The following RIMS1 variants were observed in gnomAD, a reference collection of about 807,000 sequenced individuals.
RIMS1 encodes regulating synaptic membrane exocytosis protein 1.
RIMS1 carries 83 observed loss-of-function variants against 214.1 expected under a neutral mutation model. That is an observed-to-expected ratio of 0.39 (90% CI 0.32 to 0.47). The LOEUF is 0.47. Ranked by LOEUF, RIMS1 falls within the 20% of genes least tolerant of loss-of-function variation. RIMS1 has a pLI of 0.99. For missense variants in RIMS1, 2,050 were observed against 2,161.8 expected, an observed-to-expected ratio of 0.95 and a Z score of 1.03; for synonymous variants, 793 against 786.8, an observed-to-expected ratio of 1.01 and a Z score of -0.13.
rs1013902229 is a variant in RIMS1, at chr6:72,250,428, C to A, written c.2340C>A (p.Pro780=). Residue 780 remains proline, a synonymous_variant, in exon 13 of 34, where the codon CCC becomes CCA. Transcript: ENST00000521978. ...GAGTAGATGGACGTCCTCGAAATCC[C>A]TATGTAAAAATGTATTTTCTTCCAG... The part of the protein sequence containing the change: ...PARVDGRPRN[P]YVKMYFLPDR... 21 of 1,600,722 alleles carry A rather than the reference C, an allele frequency of 1.3e-5. No homozygotes were observed. Among genetic ancestry groups the A allele is most frequent in the Non-Finnish European group, 1.7e-5 (20 of 1,171,570 alleles).
intron 2 of RIMS1, among the ~76,000 whole-genome samples, chr6:72,061,517 TCAG>T (rs1274450382): frequency 6.6e-6 from 1 of 152,242 alleles, no homozygotes; most frequent in Non-Finnish European, 1.5e-5. Context: ...TTGCACTCAC[TCAG>T]CGGCTGTGCA....
At chr6:71,988,893 AC>A (rs1437606470) in intron 2 of RIMS1, among the ~76,000 whole-genome samples, 1 of 152,216 alleles carries the variant, frequency 6.6e-6, no homozygotes. Flanking sequence ...ATTTGTTAAT[AC>A]AACAGCATCA....
rs61651151 is a variant in RIMS1 at position 72,196,580 on chromosome 6, C to CTTTTTTTTTTTTTTTTTTTTTT, written c.1678+13433_1678+13454dup. ...AGTACTGTGCTGGCAGCCAGCTGCA[C>CTTTTTTTTTTTTTTTTTTTTTT]TTTTTTTTTTTTTTTTTTTTTTTAC... On this transcript the variant is annotated intron_variant, in intron 6 of 33. Transcript: ENST00000521978. 8.7e-4 allele frequency among the ~76,000 whole-genome samples: 50 copies of CTTTTTTTTTTTTTTTTTTTTTT among 57,198 alleles called. 16 individuals are homozygous for CTTTTTTTTTTTTTTTTTTTTTT. The highest frequency in any genetic ancestry group is 0.013 in the Middle Eastern group (1 of 76). 37.5% of individuals were successfully genotyped at this position (57,198 alleles called of 152,430 possible).
intron 6 of RIMS1, among the ~76,000 whole-genome samples, chr6:72,206,559 G>A (rs2052950604): frequency 8.7e-6 from 1 of 114,826 alleles, no homozygotes; most frequent in Non-Finnish European, 2.3e-5. Context: ...TTCTTGTCAG[G>A]GCATGCTTTG....
intron 2 of RIMS1, among the ~76,000 whole-genome samples, chr6:71,988,180 C>G (rs1430645769): frequency 1.3e-5 from 2 of 151,688 alleles, no homozygotes; most frequent in Admixed American, 1.3e-4. Flanking sequence ...AATCTAAATT[C>G]TTTCAGTTGA....
intron 4 of RIMS1, among the ~76,000 whole-genome samples, chr6:72,117,336 G>A (rs1461224663): frequency 6.6e-6 from 1 of 151,924 alleles, no homozygotes; most frequent in Non-Finnish European, 1.5e-5. Flanking sequence ...TCAGTCCTAA[G>A]TGGAACAAAA....
At chr6:71,957,704 A>G (rs1435484236) in intron 1 of RIMS1, among the ~76,000 whole-genome samples, 1 of 150,628 alleles carries the variant, frequency 6.6e-6, no homozygotes, top group East Asian at 1.9e-4. Flanking sequence ...ACAACCCTCA[A>G]GAACACTAAA....
intron 4 of RIMS1, among the ~76,000 whole-genome samples, chr6:72,127,448 A>G (rs1219629269): frequency 2.0e-5 from 3 of 152,210 alleles, no homozygotes; most frequent in African/African-American, 7.2e-5. Context: ...CATTAACTTA[A>G]TTATGTCTTG....
chr6:72,243,096 C>G (rs947132353), intron 10 of RIMS1, among the ~76,000 whole-genome samples: 1 of 151,628 alleles, frequency 6.6e-6, no homozygotes, highest in Non-Finnish European at 1.5e-5. Context: ...AATAAATATT[C>G]ATTTTGCCAG....
In RIMS1 at chr6:72,209,071, A is replaced by G. The variant is rs146125599; in HGVS notation, c.1679-24702A>G. 7.0e-3 allele frequency among the ~76,000 whole-genome samples: 1,059 copies of G among 152,314 alleles called. 10 individuals are homozygous for G. The highest frequency in any genetic ancestry group is 0.023 in the African/African-American group (945 of 41,550). Reference sequence around the variant, plus strand: ...TTTCCTTTAACACACTGTAAAACAAAGAATAGAATTCATTGGATACTCATA... The same window carrying G: ...TTTCCTTTAACACACTGTAAAACAAGGAATAGAATTCATTGGATACTCATA... On this transcript the variant is annotated intron_variant, in intron 6 of 33. Coordinates refer to ENST00000521978, the MANE Select transcript of RIMS1 (RefSeq NM_014989.7).
At chr6:72,045,875 TAA>T (rs747284056) in intron 2 of RIMS1, among the ~76,000 whole-genome samples, 6 of 150,712 alleles carry the variant, frequency 4.0e-5, no homozygotes, top group East Asian at 1.9e-4. Flanking sequence ...TTATTGGTGT[TAA>T]GTTTTTTTTT....
chr6:72,127,281 G>A (rs901195295), intron 4 of RIMS1, among the ~76,000 whole-genome samples: 3 of 151,782 alleles, frequency 2.0e-5, no homozygotes, highest in African/African-American at 4.8e-5. Flanking sequence ...CTTTCTCAGA[G>A]GCTAATACCA....
At chr6:71,991,979 C>T (rs1004912525) in intron 2 of RIMS1, among the ~76,000 whole-genome samples, 8 of 151,916 alleles carry the variant, frequency 5.3e-5, no homozygotes, top group African/African-American at 1.9e-4. Flanking sequence ...GCAGGAGAAT[C>T]ACTTTAACGG....
At chr6:72,050,912 A>G (rs1414037240) in intron 2 of RIMS1, among the ~76,000 whole-genome samples, 1 of 152,108 alleles carries the variant, frequency 6.6e-6, no homozygotes, top group African/African-American at 2.4e-5. Context: ...AGCACTCTTC[A>G]TATTGCCCCT....
At chr6:72,399,438 T>C (rs1306891215) in intron 33 of RIMS1, among the ~76,000 whole-genome samples, 2 of 151,674 alleles carry the variant, frequency 1.3e-5, no homozygotes, top group African/African-American at 4.8e-5. Context: ...ACTAGATAGA[T>C]AGATGATAGA....
intron 1 of RIMS1, among the ~76,000 whole-genome samples, chr6:71,967,145 T>C (rs886505032): frequency 1.3e-5 from 2 of 152,194 alleles, no homozygotes; most frequent in Admixed American, 6.5e-5. Context: ...TCCCAGCACT[T>C]TGGGAGGCCA....
At chr6:71,957,970 A>T (rs1387972742) in intron 1 of RIMS1, among the ~76,000 whole-genome samples, 1 of 152,136 alleles carries the variant, frequency 6.6e-6, no homozygotes, top group East Asian at 1.9e-4. Context: ...TTGTGAATCT[A>T]ATGCTATGGC....
intron 29 of RIMS1, among the ~76,000 whole-genome samples, chr6:72,336,140 C>T (rs571285586): frequency 6.6e-6 from 1 of 151,962 alleles, no homozygotes; most frequent in Admixed American, 6.6e-5. Flanking sequence ...TGTAAGTTTA[C>T]AAGTTGGTTT....
rs144352387 is a variant in RIMS1, at chr6:72,104,570, T to A, written c.471+4584T>A. On this transcript the variant is annotated intron_variant, in intron 4 of 33. Transcript: ENST00000521978. ...TAGCCGTTTCCTCTGGGACTGATAC[T>A]GTAGTCTTTCAGAACTGGGGAGAGA... is the stretch of plus-strand genomic sequence containing the variant. Among the ~76,000 whole-genome samples the A allele has an allele frequency of 2.8e-3, 427 of 152,278 alleles. 3 individuals are homozygous for A. The highest frequency in any genetic ancestry group is 9.9e-3 in the African/African-American group (413 of 41,554).
Sources: gnomAD v4.1 joint callset for allele counts (sites outside exome capture counted in the v4.1 genomes callset) on GRCh38, gnomAD v4.1.1 for gene constraint, MANE v1.5 for transcripts, NCBI Gene and HGNC (gene_info 2026-07-23, HGNC 2026-07-21) for gene names.